Variants in MEGF11 observed in about 807,000 individuals in gnomAD.
The protein encoded by MEGF11 is multiple epidermal growth factor-like domains protein 11.
In MEGF11, 126 loss-of-function variants were observed where a neutral mutation model predicts 146.6. That is an observed-to-expected ratio of 0.86 (90% CI 0.74 to 1.00). The LOEUF (loss-of-function observed/expected upper bound fraction) is 1.00, where lower values mean the gene tolerates loss of function less well. MEGF11 is among the 50% of genes least tolerant of loss of function. The pLI, the probability that MEGF11 is intolerant of heterozygous loss-of-function variation, is 0.00. For missense variants in MEGF11, 1,509 were observed against 1,521.2 expected, an observed-to-expected ratio of 0.99 and a Z score of 0.13; for synonymous variants, 532 against 583.4, an observed-to-expected ratio of 0.91 and a Z score of 1.27.
At chr15:66,252,093 G>T (rs887794319) in intron 1 of MEGF11, among the ~76,000 whole-genome samples, 34 of 152,310 alleles carry the variant, frequency 2.2e-4, no homozygotes, top group African/African-American at 6.5e-4. Context: ...GAGCTGCTGG[G>T]CCGGGGCTCC....
intron 1 of MEGF11, among the ~76,000 whole-genome samples, chr15:66,136,941 G>A (rs571386351): frequency 2.4e-3 from 368 of 152,250 alleles, no homozygotes; most frequent in African/African-American, 8.5e-3. Flanking sequence ...GTTGAGGTGG[G>A]AGGATCACTT....
rs1327897852 is a variant in MEGF11, at chr15:66,141,273, TGTGTGTGTGTGTGTGTGA to T, written c.-8-12880_-8-12863del. Among the ~76,000 whole-genome samples, 227 of 142,622 alleles carry T rather than the reference TGTGTGTGTGTGTGTGTGA, an allele frequency of 1.6e-3. 5 individuals are homozygous for T. The highest frequency in any genetic ancestry group is 3.7e-3 in the African/African-American group (138 of 37,402). 93.6% of individuals were successfully genotyped at this position (142,622 alleles called of 152,430 possible). ...GTGTGTGTGTGTGTGTGTGTGTGTG[TGTGTGTGTGTGTGTGTGA>T]GAGAGAGAGAGAGAGAGACAGGGAT... On this transcript the variant is annotated intron_variant, in intron 1 of 25. Coordinates refer to ENST00000395614, the MANE Select transcript of MEGF11 (RefSeq NM_001385028.1).
At chr15:66,229,268 G>A (rs966029955) in intron 1 of MEGF11, among the ~76,000 whole-genome samples, 11 of 151,898 alleles carry the variant, frequency 7.2e-5, no homozygotes, top group Admixed American at 2.0e-4. Context: ...GCTCTCTGTG[G>A]TATGCTTCCC....
intron 1 of MEGF11, among the ~76,000 whole-genome samples, chr15:66,150,944 T>A (rs562839185): frequency 2.0e-5 from 3 of 150,090 alleles, no homozygotes; most frequent in African/African-American, 7.3e-5. Context: ...AATCATCCCA[T>A]CCCCTTGCCA....
chr15:65,938,267 TC>T (rs2079856242), intron 10 of MEGF11, among the ~76,000 whole-genome samples: 1 of 152,224 alleles, frequency 6.6e-6, no homozygotes. Flanking sequence ...TTGCCCAAGA[TC>T]ACACAGCCAA....
At chr15:65,936,713 A>C (rs939723075) in intron 10 of MEGF11, among the ~76,000 whole-genome samples, 1 of 152,236 alleles carries the variant, frequency 6.6e-6, no homozygotes, top group Non-Finnish European at 1.5e-5. Context: ...TAGAAGCTTC[A>C]TGAGAAGAGG....
intron 1 of MEGF11, among the ~76,000 whole-genome samples, chr15:66,159,937 T>C (rs2089891745): frequency 6.6e-6 from 1 of 152,106 alleles, no homozygotes; most frequent in African/African-American, 2.4e-5. Context: ...TTCTTCTAGA[T>C]CAGGAAAAGG....
intron 1 of MEGF11, among the ~76,000 whole-genome samples, chr15:66,163,023 T>C (rs2089996886): frequency 6.6e-6 from 1 of 152,128 alleles, no homozygotes; most frequent in Admixed American, 6.5e-5. Flanking sequence ...ACTGCTCATA[T>C]ACCCTGAAGT....
intron 21 of MEGF11, among the ~76,000 whole-genome samples, chr15:65,911,519 C>T (rs1429248712): frequency 6.6e-6 from 1 of 152,216 alleles, no homozygotes; most frequent in Non-Finnish European, 1.5e-5. Flanking sequence ...TCAAGCGATC[C>T]TCCTGCCTCA....
chr15:66,208,661 C>A (rs2091362051), intron 1 of MEGF11, among the ~76,000 whole-genome samples: 1 of 151,946 alleles, frequency 6.6e-6, no homozygotes, highest in Admixed American at 6.6e-5. Context: ...GTGGGCAGAT[C>A]ACCTGAGGTC....
In MEGF11 at chr15:66,249,448, C is replaced by G. The variant is rs557458771; in HGVS notation, c.-9+4157G>C. Among the ~76,000 whole-genome samples, 5 of 152,308 alleles carry G rather than the reference C, an allele frequency of 3.3e-5. No individual in the cohort carries two copies. In the South Asian group the frequency reaches 8.3e-4, roughly 25 times the overall value. On this transcript the variant is annotated intron_variant, in intron 1 of 25. Coordinates refer to ENST00000395614, the MANE Select transcript of MEGF11 (RefSeq NM_001385028.1). ...ACTGCTATAATAAACCCCCACAGAG[C>G]CACCGGGCATGGAGTCTACATCCAA...
chr15:66,110,421 G>A lies in MEGF11; in HGVS notation c.301+8665C>T, dbSNP rs529757671. ...GCCCACGGACTGGGGACCAGACCAC[G>A]GTGGCTGCATTAACTTTGACCTCTC... On this transcript the variant is annotated intron_variant, in intron 4 of 25. Coordinates refer to ENST00000395614, the MANE Select transcript of MEGF11 (RefSeq NM_001385028.1). Among the ~76,000 whole-genome samples the A allele has an allele frequency of 1.9e-3, 289 of 152,254 alleles. 1 individual carries two copies. Among genetic ancestry groups the A allele is most frequent in the African/African-American group, 6.4e-3 (267 of 41,536 alleles).
rs1201105131 is a variant in MEGF11, at chr15:65,930,933, C to T, written c.1298G>A (p.Cys433Tyr). 1 of 1,591,678 alleles carries T rather than the reference C, an allele frequency of 6.3e-7. No homozygotes were observed. The highest frequency in any genetic ancestry group is 1.3e-5 in the African/African-American group (1 of 74,320). ...GGTCCCTGCTGCACAGGAAACGGCA[C>T]AGACCTCTCCCTGGAAAGGGAGGGG... ...TCAPGFMGEVCAVSCAAGTYG... is the reference protein window; with the variant it reads ...TCAPGFMGEVYAVSCAAGTYG... Residue 433 changes from cysteine (C) to tyrosine (Y), a missense_variant, in exon 11 of 26, where the codon TGT (cysteine) becomes TAT (tyrosine). Transcript: ENST00000395614.
chr15:66,210,215 A>T (rs1400879383), intron 1 of MEGF11, among the ~76,000 whole-genome samples: 1 of 152,200 alleles, frequency 6.6e-6, no homozygotes, highest in Non-Finnish European at 1.5e-5. Context: ...CATTGGAGGA[A>T]ACTGAGTAAA....
At chr15:66,047,646 T>C (rs2084266480) in intron 5 of MEGF11, among the ~76,000 whole-genome samples, 1 of 152,206 alleles carries the variant, frequency 6.6e-6, no homozygotes, top group South Asian at 2.1e-4. Context: ...CCTTTTTCCC[T>C]GGCCCACAAA....
At chr15:66,199,555 C>G (rs535885509) in intron 1 of MEGF11, among the ~76,000 whole-genome samples, 4 of 152,336 alleles carry the variant, frequency 2.6e-5, no homozygotes, top group African/African-American at 9.6e-5. Flanking sequence ...CCTGGGCCCA[C>G]AGCCAAGACC....
intron 24 of MEGF11, among the ~76,000 whole-genome samples, chr15:65,900,450 C>G (rs1286740230): frequency 6.6e-6 from 1 of 152,210 alleles, no homozygotes; most frequent in Non-Finnish European, 1.5e-5. Context: ...CCATAAAAGG[C>G]AACTGGTTGG....
chr15:65,909,711 G>A (rs1431597464), intron 22 of MEGF11, 29 bp downstream of exon 22: 1 of 1,545,140 alleles, frequency 6.5e-7, no homozygotes, highest in Non-Finnish European at 8.7e-7. Context: ...GGACATGATG[G>A]TGGGGACCAG....
At chr15:66,030,994 G>A (rs2083494875) in intron 5 of MEGF11, among the ~76,000 whole-genome samples, 1 of 152,158 alleles carries the variant, frequency 6.6e-6, no homozygotes, top group African/African-American at 2.4e-5. Flanking sequence ...GCCTGCACTT[G>A]CCCATTCTGT....
Sources: allele counts gnomAD v4.1 joint callset (sites outside exome capture counted in the v4.1 genomes callset), GRCh38; gene constraint gnomAD v4.1.1; transcripts MANE v1.5; gene names NCBI Gene and HGNC (gene_info 2026-07-23, HGNC 2026-07-21).